Variants in DCC observed in about 807,000 individuals in gnomAD.
DCC encodes DCC netrin 1 receptor.
In DCC, 58 loss-of-function variants were observed where a neutral mutation model predicts 172.5. The ratio of observed to expected loss-of-function variants is 0.34; its 90% CI spans 0.27 to 0.42. The LOEUF (loss-of-function observed/expected upper bound fraction) is 0.42, where lower values mean the gene tolerates loss of function less well. DCC is among the 10% of genes least tolerant of loss of function. The probability of loss-of-function intolerance (pLI) is 1.00; values close to 1 mark genes in which losing one functional copy is unlikely to be tolerated. For synonymous variants in DCC, 709 were observed against 644.5 expected (o/e 1.10, Z -1.52); for missense variants, 1,740 against 1,791.0 (o/e 0.97, Z 0.51).
chr18:52,560,698 A>G (rs148079591), intron 1 of DCC, among the ~76,000 whole-genome samples: 6,065 of 152,298 alleles, frequency 0.04, 160 homozygotes, highest in Non-Finnish European at 0.054. Flanking sequence ...ATCTTTTTAA[A>G]ATAAACTATT....
At chr18:52,347,849 T>C (rs1983946274) in intron 1 of DCC, among the ~76,000 whole-genome samples, 1 of 152,188 alleles carries the variant, frequency 6.6e-6, no homozygotes, top group Admixed American at 6.5e-5. Context: ...CACTATATAA[T>C]TTATTTAAAT....
chr18:53,063,729 G>T, intron 6 of DCC: 1 of 375,746 alleles, frequency 2.7e-6, no homozygotes, highest in Admixed American at 4.3e-5. Flanking sequence ...GACAGCCTAA[G>T]TATTTCTGAG....
At chr18:52,595,942 A>C (rs1487150047) in intron 1 of DCC, among the ~76,000 whole-genome samples, 1 of 152,104 alleles carries the variant, frequency 6.6e-6, no homozygotes, top group East Asian at 1.9e-4. Context: ...TTTTTCCTTT[A>C]ATTCTTCTTT....
At chr18:52,650,991 A>G (rs1220594084) in intron 1 of DCC, among the ~76,000 whole-genome samples, 1 of 152,236 alleles carries the variant, frequency 6.6e-6, no homozygotes, top group Non-Finnish European at 1.5e-5. Flanking sequence ...CTAAATTATT[A>G]AAAGCATATT....
chr18:52,524,344 CA>C (rs2031913790), intron 1 of DCC, among the ~76,000 whole-genome samples: 1 of 152,122 alleles, frequency 6.6e-6, no homozygotes, highest in Non-Finnish European at 1.5e-5. Context: ...AATATTCTAA[CA>C]AAACAAGTAA....
At chr18:53,238,141 C>T (rs1421727740) in intron 12 of DCC, among the ~76,000 whole-genome samples, 4 of 151,918 alleles carry the variant, frequency 2.6e-5, no homozygotes, top group East Asian at 1.9e-4. Flanking sequence ...TGATTATTTC[C>T]TTCATGACAG....
At chr18:52,840,113 G>A (rs1396589102) in intron 2 of DCC, among the ~76,000 whole-genome samples, 1 of 152,126 alleles carries the variant, frequency 6.6e-6, no homozygotes, top group African/African-American at 2.4e-5. Context: ...TGCTGAAGCT[G>A]GGGGTCTGGA....
At chr18:52,643,611 T>C (rs767857775) in intron 1 of DCC, among the ~76,000 whole-genome samples, 16 of 152,114 alleles carry the variant, frequency 1.1e-4, no homozygotes, top group Non-Finnish European at 1.6e-4. Context: ...AACTGATTGG[T>C]TATTTGGAGA....
chr18:52,581,964 C>T (rs935120902), intron 1 of DCC, among the ~76,000 whole-genome samples: 1 of 152,112 alleles, frequency 6.6e-6, no homozygotes, highest in African/African-American at 2.4e-5. Flanking sequence ...CAATAACATG[C>T]ACTAGAAACC....
chr18:53,045,745 A>G (rs148909688), intron 5 of DCC, among the ~76,000 whole-genome samples: 196 of 152,004 alleles, frequency 1.3e-3, no homozygotes, highest in African/African-American at 4.5e-3. Flanking sequence ...ATTTCCCATT[A>G]ATACATTCCA....
intron 9 of DCC, among the ~76,000 whole-genome samples, chr18:53,194,779 T>C (rs1161625433): frequency 2.0e-5 from 3 of 152,104 alleles, no homozygotes; most frequent in African/African-American, 7.2e-5. Flanking sequence ...CCAGGTTTGG[T>C]TTTTAAGCAT....
chr18:53,170,703 A>G (rs555293736), intron 8 of DCC, among the ~76,000 whole-genome samples: 1 of 152,308 alleles, frequency 6.6e-6, no homozygotes, highest in Non-Finnish European at 1.5e-5. Context: ...TACCTACAGC[A>G]TTTCATTTAA....
rs894677476 is a variant in DCC at position 52,802,717 on chromosome 18, A to G, written c.412+50343A>G. ...CACAGGGTCTCACTGTGTTGTCTGG[A>G]CTGGTCTTGAACTCCTGGGCTGAAG... On this transcript the variant is annotated intron_variant, in intron 2 of 28. Transcript: ENST00000442544. Among the ~76,000 whole-genome samples the G allele has an allele frequency of 6.3e-5, 7 of 111,936 alleles. No individual in the cohort carries two copies. The Admixed American group carries it at 9.3e-4, about 15-fold the overall frequency. The allele number at this position is 111,936 out of a possible 152,430, so 73.4% of individuals were successfully genotyped here. A position where few individuals can be genotyped will look rare whatever the true frequency, so the allele number is the denominator to read the frequency against.
chr18:52,436,220 G>A (rs1228554566), intron 1 of DCC, among the ~76,000 whole-genome samples: 1 of 152,240 alleles, frequency 6.6e-6, no homozygotes, highest in Non-Finnish European at 1.5e-5. Flanking sequence ...AGAGCTAGGG[G>A]AAACCCCCAA....
intron 2 of DCC, among the ~76,000 whole-genome samples, chr18:52,867,643 C>A (rs902893203): frequency 6.6e-6 from 1 of 152,020 alleles, no homozygotes; most frequent in Non-Finnish European, 1.5e-5. Flanking sequence ...TTATCCATTT[C>A]TTCTAGATTT....
intron 5 of DCC, among the ~76,000 whole-genome samples, chr18:53,046,748 C>T (rs1252086955): frequency 6.6e-6 from 1 of 151,904 alleles, no homozygotes; most frequent in African/African-American, 2.4e-5. Context: ...AGTTCAGTGA[C>T]TTGACACAGT....
intron 2 of DCC, among the ~76,000 whole-genome samples, chr18:52,844,371 G>A (rs1286574218): frequency 6.6e-6 from 1 of 151,986 alleles, no homozygotes; most frequent in Non-Finnish European, 1.5e-5. Flanking sequence ...CTGGGCCCTG[G>A]GTAAGCACTC....
chr18:53,304,744 C>A (rs2057179644), intron 12 of DCC, among the ~76,000 whole-genome samples: 1 of 152,134 alleles, frequency 6.6e-6, no homozygotes, highest in African/African-American at 2.4e-5. Flanking sequence ...GGAACAATGT[C>A]TAGGAATCCC....
intron 1 of DCC, among the ~76,000 whole-genome samples, chr18:52,394,466 G>T (rs1444161688): frequency 1.3e-5 from 2 of 151,680 alleles, no homozygotes; most frequent in Admixed American, 6.6e-5. Flanking sequence ...TGTAGAGGTG[G>T]AGGTCTTGCT....
Sources: allele counts gnomAD v4.1 joint callset (sites outside exome capture counted in the v4.1 genomes callset), GRCh38; gene constraint gnomAD v4.1.1; transcripts MANE v1.5; gene names NCBI Gene and HGNC (gene_info 2026-07-23, HGNC 2026-07-21).